The following LRIG3 variants were observed in gnomAD, a reference collection of about 807,000 sequenced individuals.
The protein encoded by LRIG3 is leucine rich repeats and immunoglobulin like domains 3, also known as leucine-rich repeats and immunoglobulin-like domains protein 3.
Under a neutral mutation model 114.5 loss-of-function variants are expected in LRIG3, and 76 were observed. That is an observed-to-expected ratio of 0.66 (90% CI 0.55 to 0.80). The LOEUF (loss-of-function observed/expected upper bound fraction) is 0.80. LRIG3 is among the 30% of genes least tolerant of loss of function. LRIG3 has a pLI of 0.00. For missense variants in LRIG3, 1,239 were observed against 1,382.8 expected (o/e 0.90, Z 1.65); for synonymous variants, 512 against 519.8 (o/e 0.98, Z 0.20).
intron 13 of LRIG3, 98 bp from the exon 14 acceptor site, chr12:58,879,203 G>A: frequency 1.5e-6 from 2 of 1,346,508 alleles, no homozygotes; most frequent in Non-Finnish European, 2.0e-6. Flanking sequence ...GATACTTACA[G>A]ATTGTCCCTG....
Position 58,880,794 on chromosome 12 carries a change from T to G in LRIG3, c.1588A>C (p.Met530Leu). The change falls in exon 13 of 19, where the codon ATG becomes CTG. Residue 530 changes from methionine (M) to leucine (L), a missense_variant. Coordinates refer to ENST00000320743, the MANE Select transcript of LRIG3 (RefSeq NM_153377.5). ...TTGTCTTTTTTCCAAGCAAAAGTCATTGGGGAATCACTGCTGCTGGCAGCT... is the reference window on the plus strand; with the variant it reads ...TTGTCTTTTTTCCAAGCAAAAGTCAGTGGGGAATCACTGCTGCTGGCAGCT... ...CSAASSSDSP[M>L]TFAWKKDNEL... 6.2e-7 allele frequency: 1 copy of G among 1,614,204 alleles called. No individual in the cohort carries two copies. The highest frequency in any genetic ancestry group is 1.3e-5 in the African/African-American group (1 of 75,042).
intron 3 of LRIG3, among the ~76,000 whole-genome samples, chr12:58,911,230 A>G (rs1872263827): frequency 6.6e-6 from 1 of 152,156 alleles, no homozygotes; most frequent in Non-Finnish European, 1.5e-5. Context: ...TGATATTATG[A>G]GAATAGGTCC....
At chr12:58,878,326 T>C (rs1429348017) in intron 14 of LRIG3, among the ~76,000 whole-genome samples, 1 of 152,216 alleles carries the variant, frequency 6.6e-6, no homozygotes, top group Non-Finnish European at 1.5e-5. Flanking sequence ...TTACGTTAAT[T>C]AGCTCTTTCA....
Position 58,876,577 on chromosome 12 carries a change from G to A in LRIG3, c.2563C>T (p.Pro855Ser). The change falls in exon 16 of 19, where the codon CCT becomes TCT. Residue 855 changes from proline to serine, a missense_variant. Pro to Ser is a moderately conservative substitution (Grantham distance 74). Transcript: ENST00000320743. ...GTTCCCTGAGATGACAAATAACTAGGAATATCTGCTGGCAAGTTGGTCTCA... is the reference window on the plus strand; with the variant it reads ...GTTCCCTGAGATGACAAATAACTAGAAATATCTGCTGGCAAGTTGGTCTCA... ...TDETNLPADI[P>S]SYLSSQGTLA... is the part of the protein sequence containing the mutation. 1.2e-6 allele frequency: 2 copies of A among 1,614,090 alleles called. No homozygotes were observed. Among genetic ancestry groups the A allele is most frequent in the Non-Finnish European group, 1.7e-6 (2 of 1,180,010 alleles).
At position 58,890,003 on chromosome 12, in the gene LRIG3, G is replaced by C; in HGVS notation, c.652C>G (p.Gln218Glu). 1 of 1,613,426 alleles carries C rather than the reference G, an allele frequency of 6.2e-7. No homozygotes were observed. Among genetic ancestry groups the C allele is most frequent in the Non-Finnish European group, 8.5e-7 (1 of 1,179,614 alleles). ...AGAGGACATTTTACTTACAGATGTT[G>C]CAGTTGGGGCAGTTTAAACATCTTG... ...PPKMFKLPQL[Q>E]HLELNRNKIK... The change falls in exon 5 of 19, where the codon CAA becomes GAA. Residue 218 changes from glutamine (Q) to glutamate (E), a missense_variant. By Grantham distance (29) the Gln-to-Glu change is conservative. Transcript: ENST00000320743.
At chr12:58,915,455 A>G (rs1357004021) in intron 1 of LRIG3, among the ~76,000 whole-genome samples, 1 of 152,212 alleles carries the variant, frequency 6.6e-6, no homozygotes, top group Non-Finnish European at 1.5e-5. Context: ...AGAGAAGCAC[A>G]GTGTTACTCA....
In LRIG3 at chr12:58,877,711, C is replaced by T. The variant is rs772233686; in HGVS notation, c.2225G>A (p.Arg742Lys). The change falls in exon 15 of 19, where the codon AGG (arginine) becomes AAG (lysine). Residue 742 changes from arginine (R) to lysine (K), a missense_variant. Arg to Lys is a conservative substitution (Grantham distance 26). Coordinates refer to ENST00000320743, the MANE Select transcript of LRIG3 (RefSeq NM_153377.5). ...KDDSPLVVTE[R>K]HFFAAGNQLL... ...CTGATTGCCTGCTGCAAAAAAGTGC[C>T]TCTCGGTTACCACCAATGGGCTATC... 6.2e-7 allele frequency: 1 copy of T among 1,614,190 alleles called. No homozygotes were observed. The highest frequency in any genetic ancestry group is 2.2e-5 in the East Asian group (1 of 44,872).
chr12:58,880,647 A>G lies in LRIG3; in HGVS notation c.1735T>C (p.Tyr579His). ...REVEFASEGK[Y>H]QCVISNHFGS... Reference sequence around the variant, plus strand: ...AAGTGATTGGAGATGACACACTGATATTTCCCCTCACTGGCAAATTCCACC... The same window carrying G: ...AAGTGATTGGAGATGACACACTGATGTTTCCCCTCACTGGCAAATTCCACC... Residue 579 changes from tyrosine (Y) to histidine (H), a missense_variant, in exon 13 of 19, where the codon TAT becomes CAT. Coordinates refer to ENST00000320743, the MANE Select transcript of LRIG3 (RefSeq NM_153377.5). 6.2e-7 allele frequency: 1 copy of G among 1,614,186 alleles called. No homozygotes were observed.
chr12:58,897,803 T>G (rs961188488), intron 3 of LRIG3, among the ~76,000 whole-genome samples: 1 of 152,202 alleles, frequency 6.6e-6, no homozygotes, highest in Non-Finnish European at 1.5e-5. Flanking sequence ...GGACTCTACT[T>G]TGATTTAGTA....
chr12:58,893,255 ACT>A (rs1565618679), intron 3 of LRIG3, among the ~76,000 whole-genome samples: 2 of 152,052 alleles, frequency 1.3e-5, no homozygotes, highest in Non-Finnish European at 2.9e-5. Flanking sequence ...TAGTGTTAAA[ACT>A]CTTCTGAACA....
intron 1 of LRIG3, among the ~76,000 whole-genome samples, chr12:58,915,041 C>T (rs565062208): frequency 2.8e-4 from 42 of 152,330 alleles, no homozygotes; most frequent in African/African-American, 9.4e-4. Flanking sequence ...CTCAATTTAA[C>T]TTAGTAACAA....
chr12:58,877,211 G>C (rs1017537031), intron 15 of LRIG3, among the ~76,000 whole-genome samples, 189 bp downstream of exon 15: 9 of 152,214 alleles, frequency 5.9e-5, no homozygotes, highest in Non-Finnish European at 1.3e-4. Flanking sequence ...TTAACAAAAA[G>C]TATTAATCTT....
chr12:58,879,039 T>C lies in LRIG3; in HGVS notation c.1868A>G (p.Glu623Gly), dbSNP rs1168824895. ...GGCTGGGTGCCCCACAGCAGCACAC[T>C]CCAAGCGTGCCATGGCCCCAGCTCG... ...TIRAGAMARL[E>G]CAAVGHPAPQ... Residue 623 changes from glutamate (E) to glycine (G), a missense_variant, in exon 14 of 19, where the codon GAG becomes GGG. Coordinates refer to ENST00000320743, the MANE Select transcript of LRIG3 (RefSeq NM_153377.5). The C allele has an allele frequency of 8.7e-6, 14 of 1,614,104 alleles. No homozygotes were observed. Among genetic ancestry groups the C allele is most frequent in the Non-Finnish European group, 9.3e-6 (11 of 1,180,002 alleles).
At chr12:58,888,731 A>G in intron 6 of LRIG3, 88 bp downstream of exon 6, 1 of 1,496,944 alleles carries the variant, frequency 6.7e-7, no homozygotes. Flanking sequence ...AGATTTTAAC[A>G]TAGGATTTCA....
chr12:58,888,608 C>A, intron 6 of LRIG3, 136 bp from the exon 7 acceptor site: 1 of 1,269,284 alleles, frequency 7.9e-7, no homozygotes, highest in South Asian at 1.6e-5. Flanking sequence ...AAGACGTCAG[C>A]AAAAAAATAC....
intron 3 of LRIG3, among the ~76,000 whole-genome samples, chr12:58,912,359 A>T (rs1349638978): frequency 3.9e-5 from 6 of 152,100 alleles, no homozygotes; most frequent in Non-Finnish European, 8.8e-5. Context: ...AGCCGGGCGT[A>T]GTGGCGGACG....
intron 8 of LRIG3, 70 bp from the exon 9 acceptor site, chr12:58,886,960 A>T: frequency 8.6e-7 from 1 of 1,159,954 alleles, no homozygotes; most frequent in South Asian, 1.4e-5. Context: ...CCCAGGTGGC[A>T]TATCATTTGT....
chr12:58,909,525 T>A (rs1362308340), intron 3 of LRIG3, among the ~76,000 whole-genome samples: 2 of 152,190 alleles, frequency 1.3e-5, no homozygotes, highest in African/African-American at 4.8e-5. Context: ...GTCCTAGCAC[T>A]TAAAAGAGGG....
chr12:58,905,151 T>C (rs1872015133), intron 3 of LRIG3, among the ~76,000 whole-genome samples: 1 of 152,120 alleles, frequency 6.6e-6, no homozygotes, highest in East Asian at 1.9e-4. Context: ...TTGTACGTCT[T>C]GAGAAGGATT....
Sources: gnomAD v4.1 joint callset for allele counts (sites outside exome capture counted in the v4.1 genomes callset) on GRCh38, gnomAD v4.1.1 for gene constraint, MANE v1.5 for transcripts, NCBI Gene and HGNC (gene_info 2026-07-23, HGNC 2026-07-21) for gene names.